LRP1B: variants seen among roughly 807,000 people sequenced by gnomAD.
LRP1B encodes the protein LDL receptor related protein 1B, also known as low-density lipoprotein receptor-related protein 1B.
In LRP1B, 217 loss-of-function variants were observed where a neutral mutation model predicts 556.6. The ratio of observed to expected loss-of-function variants is 0.39; its 90% confidence interval spans 0.35 to 0.44. The LOEUF is 0.44. LRP1B is among the 20% of genes least tolerant of loss of function. The pLI is 1.00. For missense variants in LRP1B, 5,053 were observed against 5,620.8 expected (o/e 0.90, Z 3.23); for synonymous variants, 2,047 against 1,865.8 (o/e 1.10, Z -2.50).
chr2:141,131,485 C>T (rs1171715600), intron 7 of LRP1B, among the ~76,000 whole-genome samples: 5 of 143,264 alleles, frequency 3.5e-5, no homozygotes, highest in Non-Finnish European at 7.5e-5. Flanking sequence ...CATTTCATTT[C>T]AATTTGAATT....
intron 56 of LRP1B, 43 bp downstream of exon 56, chr2:140,495,522 T>A (rs746929425): frequency 6.6e-7 from 1 of 1,520,288 alleles, no homozygotes; most frequent in Non-Finnish European, 9.0e-7. Context: ...AGGATCCATA[T>A]GTATAACTGA....
At chr2:141,126,315 T>C (rs1011706234) in intron 7 of LRP1B, among the ~76,000 whole-genome samples, 3 of 152,200 alleles carry the variant, frequency 2.0e-5, no homozygotes, top group Admixed American at 6.5e-5. Context: ...ATTACAGGCA[T>C]GAGCCATCGC....
At chr2:141,851,159 C>T (rs780773546) in intron 1 of LRP1B, among the ~76,000 whole-genome samples, 7 of 151,640 alleles carry the variant, frequency 4.6e-5, no homozygotes, top group Admixed American at 1.3e-4. Context: ...AAATCACTGG[C>T]GTATATTCAT....
chr2:140,583,437 A>T (rs533182524), intron 43 of LRP1B, among the ~76,000 whole-genome samples: 114 of 151,660 alleles, frequency 7.5e-4, no homozygotes, highest in Non-Finnish European at 1.3e-3. Flanking sequence ...TGACCTCCCA[A>T]ACTGCTGGTA....
chr2:140,610,346 C>T (rs1285684707), intron 41 of LRP1B, among the ~76,000 whole-genome samples: 1 of 152,152 alleles, frequency 6.6e-6, no homozygotes, highest in Non-Finnish European at 1.5e-5. Context: ...ATTTCTGAAT[C>T]CATTGAGCAA....
chr2:140,987,251 A>T (rs561670940), intron 17 of LRP1B, among the ~76,000 whole-genome samples: 1 of 152,090 alleles, frequency 6.6e-6, no homozygotes, highest in Non-Finnish European at 1.5e-5. Flanking sequence ...TGACGAAAAG[A>T]TCTAGTAGTG....
chr2:141,924,693 A>G (rs2104981395), intron 1 of LRP1B, among the ~76,000 whole-genome samples: 1 of 152,282 alleles, frequency 6.6e-6, no homozygotes, highest in Non-Finnish European at 1.5e-5. Flanking sequence ...GGCAGCAAGC[A>G]AACAGGTGAG....
chr2:140,503,123 A>T lies in LRP1B; in HGVS notation c.8522-20T>A, dbSNP rs1689267980. 1 of 1,610,514 alleles carries T rather than the reference A, an allele frequency of 6.2e-7. No homozygotes were observed. Among genetic ancestry groups the T allele is most frequent in the South Asian group, 1.1e-5 (1 of 90,960 alleles). ...GATATCCTAGAGACGCAGAAAAAAC[A>T]TTTGACTAATTCACATAACAAATAC... On this transcript the variant is annotated intron_variant, in intron 53 of 90. Coordinates refer to ENST00000389484, the MANE Select transcript of LRP1B (RefSeq NM_018557.3).
Position 141,898,962 on chromosome 2 carries a change from C to T in LRP1B, c.83-88561G>A, listed in dbSNP as rs144312974. ...ATGGTTGAAACCCACTGTCCGACTG[C>T]ATTATTATCAGGCCACAGCCTTTTG... On this transcript the variant is annotated intron_variant, in intron 1 of 90. Coordinates refer to ENST00000389484, the MANE Select transcript of LRP1B (RefSeq NM_018557.3). Among the ~76,000 whole-genome samples the T allele has an allele frequency of 2.3e-3, 343 of 152,248 alleles. 8 individuals carry two copies. In the East Asian group the frequency reaches 0.055, roughly 25 times the overall value.
chr2:141,329,992 C>G (rs1361929371), intron 3 of LRP1B, among the ~76,000 whole-genome samples: 1 of 102,850 alleles, frequency 9.7e-6, no homozygotes, highest in African/African-American at 4.0e-5. Flanking sequence ...TACAAACTGA[C>G]TATTATAGAT....
intron 3 of LRP1B, among the ~76,000 whole-genome samples, chr2:141,431,530 A>G (rs1680563802): frequency 6.6e-6 from 1 of 152,178 alleles, no homozygotes; most frequent in Non-Finnish European, 1.5e-5. Flanking sequence ...CAGAAAGCTG[A>G]CTGAGATTTT....
intron 3 of LRP1B, among the ~76,000 whole-genome samples, chr2:141,263,782 A>C (rs747411277): frequency 3.9e-5 from 6 of 152,192 alleles, no homozygotes; most frequent in Non-Finnish European, 7.4e-5. Context: ...CCAGCAATAT[A>C]TAAAAGGATA....
intron 66 of LRP1B, among the ~76,000 whole-genome samples, chr2:140,440,294 T>C (rs1208472318): frequency 2.0e-5 from 3 of 152,154 alleles, no homozygotes; most frequent in Admixed American, 6.6e-5. Context: ...GGTTAGACAC[T>C]CATGCCACTC....
chr2:141,397,839 C>G, intron 3 of LRP1B, among the ~76,000 whole-genome samples: 1 of 150,484 alleles, frequency 6.6e-6, no homozygotes, highest in East Asian at 1.9e-4. Flanking sequence ...ATTACATATG[C>G]CTATACATTT....
chr2:140,447,440 ATACTG>A (rs1686709632), intron 63 of LRP1B, among the ~76,000 whole-genome samples: 1 of 152,002 alleles, frequency 6.6e-6, no homozygotes, highest in South Asian at 2.1e-4. Flanking sequence ...TGTTTACACT[ATACTG>A]TAGTCTATTA....
At chr2:141,667,981 G>T (rs1170690109) in intron 2 of LRP1B, among the ~76,000 whole-genome samples, 1 of 152,082 alleles carries the variant, frequency 6.6e-6, no homozygotes, top group Non-Finnish European at 1.5e-5. Context: ...ACATAACCAA[G>T]AGTTATTATA....
chr2:141,257,910 TATAA>T (rs1164029393), intron 3 of LRP1B, among the ~76,000 whole-genome samples: 1 of 152,238 alleles, frequency 6.6e-6, no homozygotes, highest in African/African-American at 2.4e-5. Context: ...CTATAATGAC[TATAA>T]ATATAGTTAA....
At chr2:140,722,172 T>A (rs963946638) in intron 35 of LRP1B, among the ~76,000 whole-genome samples, 2 of 152,332 alleles carry the variant, frequency 1.3e-5, no homozygotes, top group East Asian at 3.9e-4. Flanking sequence ...ATTAGATTCA[T>A]CTTTTCTGTT....
intron 2 of LRP1B, among the ~76,000 whole-genome samples, chr2:141,713,657 C>A (rs548002948): frequency 6.6e-6 from 1 of 152,052 alleles, no homozygotes; most frequent in Non-Finnish European, 1.5e-5. Context: ...AATAAAGCCA[C>A]CCAAATAACA....
Sources: allele counts gnomAD v4.1 joint callset (sites outside exome capture counted in the v4.1 genomes callset), GRCh38; gene constraint gnomAD v4.1.1; transcripts MANE v1.5; gene names NCBI Gene and HGNC (gene_info 2026-07-23, HGNC 2026-07-21).